VPS54: variants seen among roughly 807,000 people sequenced by gnomAD.
VPS54 encodes the protein VPS54 subunit of GARP complex.
Under a neutral mutation model 121.5 loss-of-function variants are expected in VPS54, and 45 were observed. That is an observed-to-expected ratio of 0.37 (90% CI 0.29 to 0.47). The LOEUF (loss-of-function observed/expected upper bound fraction) is 0.47, where lower values mean the gene tolerates loss of function less well. VPS54 is among the 20% of genes least tolerant of loss of function. The probability of loss-of-function intolerance (pLI) is 0.99; values close to 1 mark genes in which losing one functional copy is unlikely to be tolerated. For missense variants in VPS54, 1,090 were observed against 1,131.4 expected, an observed-to-expected ratio of 0.96 and a Z score of 0.52; for synonymous variants, 371 against 385.8, an observed-to-expected ratio of 0.96 and a Z score of 0.45.
rs1233262485 is a variant in VPS54, at chr2:64,019,379, G to A, written c.-462C>T. On this transcript the variant is annotated 5_prime_UTR_variant, in exon 1 of 23. Transcript: ENST00000272322. ...CGGCCCAGCCGGCTCGGCCCGGTCG[G>A]GTGCGGGGAGACAGCGCCGGAGGCC... is the stretch of plus-strand genomic sequence containing the variant. Among the ~76,000 whole-genome samples the A allele has an allele frequency of 6.6e-6, 1 of 151,104 alleles. No individual in the cohort carries two copies. Among genetic ancestry groups the A allele is most frequent in the Non-Finnish European group, 1.5e-5 (1 of 67,730 alleles).
At position 63,921,219 on chromosome 2, in the gene VPS54, A is replaced by G. The variant is rs749368458; in HGVS notation, c.1856T>C (p.Met619Thr). Residue 619 changes from methionine (M) to threonine (T), a missense_variant, in exon 13 of 23, where the codon ATG becomes ACG. Met to Thr is a moderately conservative substitution (Grantham distance 81). Coordinates refer to ENST00000272322, the MANE Select transcript of VPS54 (RefSeq NM_016516.3). ...GAAAATAGCTACCTTTGCTCTTGAC[A>G]TGAGAAATTTGACAGCTCGATCATG... ...ICHDRAVKFL[M>T]SRAKDGFLEK... is the part of the protein sequence containing the mutation. 2.5e-6 allele frequency: 4 copies of G among 1,607,890 alleles called. No homozygotes were observed. In the Admixed American group the frequency reaches 5.0e-5, roughly 20 times the overall value.
intron 10 of VPS54, 30 bp from the exon 11 acceptor site, chr2:63,942,591 T>C: frequency 6.6e-7 from 1 of 1,517,568 alleles, no homozygotes. Flanking sequence ...ACAAAAATAA[T>C]GATTGTCTCT....
At chr2:63,906,870 A>G (rs1172075853) in intron 20 of VPS54, among the ~76,000 whole-genome samples, 1 of 152,236 alleles carries the variant, frequency 6.6e-6, no homozygotes, top group Non-Finnish European at 1.5e-5. Flanking sequence ...TTTTATAGGG[A>G]AAAGCTAAGG....
At chr2:63,975,932 G>A (rs574993674) in intron 3 of VPS54, among the ~76,000 whole-genome samples, 1 of 152,286 alleles carries the variant, frequency 6.6e-6, no homozygotes, top group Admixed American at 6.5e-5. Flanking sequence ...TTTTAGTAGA[G>A]ATGAGTTTCA....
chr2:64,013,177 C>A (rs966842190), intron 1 of VPS54, among the ~76,000 whole-genome samples: 1 of 152,042 alleles, frequency 6.6e-6, no homozygotes, highest in Non-Finnish European at 1.5e-5. Flanking sequence ...CTTGCATTAC[C>A]GATATAGTGA....
chr2:63,897,821 G>A (rs532022686), intron 21 of VPS54, among the ~76,000 whole-genome samples: 12 of 152,196 alleles, frequency 7.9e-5, no homozygotes, highest in East Asian at 7.7e-4. Context: ...AAAAATTCCC[G>A]TAAGTGGGAT....
At chr2:63,994,143 A>G (rs1201128896) in intron 1 of VPS54, among the ~76,000 whole-genome samples, 2 of 152,160 alleles carry the variant, frequency 1.3e-5, no homozygotes, top group Non-Finnish European at 2.9e-5. Flanking sequence ...ATCCTCCCTG[A>G]TGGCAACACA....
chr2:63,944,665 T>A lies in VPS54; in HGVS notation c.1246-10A>T. 2 of 1,600,390 alleles carry A rather than the reference T, an allele frequency of 1.2e-6. No homozygotes were observed. The highest frequency in any genetic ancestry group is 8.5e-7 in the Non-Finnish European group (1 of 1,174,266). ...CTTTATTAATCACACACTGCAAAAT[T>A]TAAGAAAAAACAAAAACAATTTGAT... On this transcript the variant is annotated splice_polypyrimidine_tract_variant and intron_variant, in intron 9 of 22. Transcript: ENST00000272322.
Position 63,965,957 on chromosome 2 carries a change from T to G in VPS54, c.502A>C (p.Lys168Gln). Residue 168 changes from lysine to glutamine, a missense_variant, in exon 6 of 23, where the codon AAA (lysine) becomes CAA (glutamine). This residue lies in a region of VPS54 where 801 missense variants were observed against 757.0 expected (regional missense o/e 1.06). Transcript: ENST00000272322. ...DLEQVPKIFMKPDFALDDSLT... is the reference protein window; with the variant it reads ...DLEQVPKIFMQPDFALDDSLT... ...GAATCATCCAAGGCAAAATCTGGTT[T>G]CATAAAAATCTATTAAAAAAATGCA... 3.1e-6 allele frequency: 5 copies of G among 1,602,718 alleles called. No individual in the cohort carries two copies. The South Asian group carries it at 5.7e-5, about 18-fold the overall frequency.
chr2:64,016,178 T>C (rs932487300), intron 1 of VPS54, among the ~76,000 whole-genome samples: 4 of 152,190 alleles, frequency 2.6e-5, no homozygotes, highest in Admixed American at 6.5e-5. Context: ...ATGACAAAAA[T>C]GCCCACTTTT....
intron 1 of VPS54, among the ~76,000 whole-genome samples, chr2:63,997,271 G>A (rs188520537): frequency 3.9e-5 from 6 of 152,244 alleles, no homozygotes; most frequent in Admixed American, 3.9e-4. Flanking sequence ...GTTTGAGTAG[G>A]ATTGGTACTA....
intron 12 of VPS54, among the ~76,000 whole-genome samples, chr2:63,933,277 A>G (rs1674298970): frequency 6.9e-6 from 1 of 144,352 alleles, no homozygotes; most frequent in Non-Finnish European, 1.5e-5. Flanking sequence ...ACAGATCTTC[A>G]CAACATATAA....
At chr2:63,997,799 A>C (rs1257150409) in intron 1 of VPS54, among the ~76,000 whole-genome samples, 1 of 151,668 alleles carries the variant, frequency 6.6e-6, no homozygotes, top group Non-Finnish European at 1.5e-5. Flanking sequence ...GTTTTTATTT[A>C]AAGTTTTTCT....
At chr2:63,904,438 C>CA (rs58651830) in intron 20 of VPS54, among the ~76,000 whole-genome samples, 8,070 of 19,876 alleles carry the variant, frequency 0.41, 3,053 homozygotes, top group Non-Finnish European at 0.46. Context: ...GACTTGGTCT[C>CA]AAAAAAAAAA....
At chr2:63,963,748 A>C (rs970164812) in intron 6 of VPS54, among the ~76,000 whole-genome samples, 2 of 152,156 alleles carry the variant, frequency 1.3e-5, no homozygotes, top group Non-Finnish European at 2.9e-5. Context: ...TAAAAAAGCA[A>C]AATGGGCACA....
At chr2:63,912,811 A>T (rs1038514150) in intron 18 of VPS54, 150 bp from the exon 19 acceptor site, 1 of 982,186 alleles carries the variant, frequency 1.0e-6, no homozygotes, top group Non-Finnish European at 1.4e-6. Context: ...AGAAGGCAAC[A>T]TATTTCATTT....
At chr2:63,940,104 T>C (rs763908520) in intron 11 of VPS54, among the ~76,000 whole-genome samples, 15 of 152,166 alleles carry the variant, frequency 9.9e-5, no homozygotes, top group Admixed American at 2.0e-4. Context: ...TATTTTCTCC[T>C]ACCATTAAAA....
chr2:63,969,402 G>A (rs577107064), intron 4 of VPS54, among the ~76,000 whole-genome samples: 5 of 152,238 alleles, frequency 3.3e-5, no homozygotes, highest in African/African-American at 9.6e-5. Context: ...TACCGTCTGA[G>A]CTCCACCTTC....
At chr2:63,946,845 C>A (rs1180751783) in intron 9 of VPS54, among the ~76,000 whole-genome samples, 1 of 151,962 alleles carries the variant, frequency 6.6e-6, no homozygotes, top group Non-Finnish European at 1.5e-5. Flanking sequence ...GAATTAAATT[C>A]TATACATCAA....
Sources: allele counts gnomAD v4.1 joint callset (sites outside exome capture counted in the v4.1 genomes callset), GRCh38; gene constraint gnomAD v4.1.1; regional missense constraint gnomAD v4.1.1; transcripts MANE v1.5; gene names NCBI Gene and HGNC (gene_info 2026-07-23, HGNC 2026-07-21).